MARCHF1: variants seen among roughly 807,000 people sequenced by gnomAD.
MARCHF1 encodes membrane associated ring-CH-type finger 1.
A neutral mutation model predicts 54.2 loss-of-function variants in MARCHF1; 40 were observed. The observed-to-expected ratio is 0.74, with a 90% CI of 0.57 to 0.96. The LOEUF is 0.96. Among genes scored for constraint, MARCHF1 ranks in the 40% least tolerant of loss-of-function variants. The pLI is 0.00. For synonymous variants in MARCHF1, 236 were observed against 236.3 expected (o/e 1.00, Z 0.01); for missense variants, 586 against 656.5 (o/e 0.89, Z 1.17).
intron 1 of MARCHF1, among the ~76,000 whole-genome samples, chr4:164,298,307 G>T (rs6851226): frequency 1.3e-5 from 2 of 151,840 alleles, no homozygotes; most frequent in Non-Finnish European, 2.9e-5. Context: ...ATGCTAAAAA[G>T]AGAATAAATA....
intron 2 of MARCHF1, among the ~76,000 whole-genome samples, chr4:164,026,155 T>C (rs1447228349): frequency 6.6e-6 from 1 of 152,012 alleles, no homozygotes; most frequent in Non-Finnish European, 1.5e-5. Flanking sequence ...CCAGCAGACA[T>C]ACAAAGAAGA....
chr4:164,302,698 C>A (rs965479698), intron 1 of MARCHF1, among the ~76,000 whole-genome samples: 1 of 151,632 alleles, frequency 6.6e-6, no homozygotes, highest in African/African-American at 2.4e-5. Context: ...GCAAACATGG[C>A]AAAACCCCAT....
chr4:164,009,760 A>G (rs1381686462), intron 2 of MARCHF1, among the ~76,000 whole-genome samples: 1 of 152,162 alleles, frequency 6.6e-6, no homozygotes, highest in East Asian at 1.9e-4. Flanking sequence ...TGGTAAAGAA[A>G]AAAAAAGCTC....
intron 4 of MARCHF1, among the ~76,000 whole-genome samples, chr4:163,760,827 T>C (rs1219562992): frequency 1.3e-5 from 2 of 152,212 alleles, no homozygotes; most frequent in African/African-American, 2.4e-5. Flanking sequence ...CATTTCATCT[T>C]ATAAATTTAC....
intron 1 of MARCHF1, among the ~76,000 whole-genome samples, chr4:164,382,744 C>T (rs193241964): frequency 6.6e-6 from 1 of 152,200 alleles, no homozygotes; most frequent in East Asian, 1.9e-4. Flanking sequence ...GTCCGCCAAG[C>T]AAAAAGCCAG....
At chr4:164,238,071 A>G (rs930530476) in intron 1 of MARCHF1, among the ~76,000 whole-genome samples, 8 of 152,020 alleles carry the variant, frequency 5.3e-5, no homozygotes, top group Admixed American at 5.2e-4. Context: ...AAAAGGAAAT[A>G]CTCCATTATA....
intron 2 of MARCHF1, among the ~76,000 whole-genome samples, chr4:164,029,527 A>G (rs1753833426): frequency 6.6e-6 from 1 of 152,144 alleles, no homozygotes; most frequent in Non-Finnish European, 1.5e-5. Context: ...ATCAAGATTT[A>G]GTAAAATGCT....
At chr4:164,262,111 A>G (rs1266821418) in intron 1 of MARCHF1, among the ~76,000 whole-genome samples, 7 of 118,932 alleles carry the variant, frequency 5.9e-5, no homozygotes, top group Non-Finnish European at 1.0e-4. Flanking sequence ...TCTTAAGAAA[A>G]AAAAAAAAAA....
chr4:163,909,807 G>A (rs1161832527), intron 3 of MARCHF1, among the ~76,000 whole-genome samples: 2 of 152,062 alleles, frequency 1.3e-5, no homozygotes, highest in Non-Finnish European at 2.9e-5. Flanking sequence ...ATCAGGCTAT[G>A]GGCATAAATA....
chr4:164,092,100 C>G (rs1179874420), intron 2 of MARCHF1, among the ~76,000 whole-genome samples: 1 of 152,102 alleles, frequency 6.6e-6, no homozygotes, highest in Admixed American at 6.6e-5. Flanking sequence ...ACTGCTGTTG[C>G]TGGATCTCTA....
At chr4:164,156,379 A>G (rs2110925655) in intron 1 of MARCHF1, among the ~76,000 whole-genome samples, 1 of 152,286 alleles carries the variant, frequency 6.6e-6, no homozygotes, top group African/African-American at 2.4e-5. Flanking sequence ...GGAGGAATGG[A>G]GTCCATAGAG....
In MARCHF1 at chr4:164,107,626, G is replaced by A. The variant is rs111364159; in HGVS notation, c.-248+3962C>T. Among the ~76,000 whole-genome samples the A allele has an allele frequency of 3.0e-3, 453 of 152,150 alleles. 6 individuals are homozygous for A. The highest frequency in any genetic ancestry group is 0.01 in the African/African-American group (416 of 41,544). ...AATCCACCCACTTCTGCCCCTCAAA[G>A]TTCTGGGATTATAGGCATGAGCCAC... On this transcript the variant is annotated intron_variant, in intron 2 of 9. Transcript: ENST00000514618.
intron 1 of MARCHF1, among the ~76,000 whole-genome samples, chr4:164,296,265 T>C (rs1217197132): frequency 6.6e-6 from 1 of 152,110 alleles, no homozygotes; most frequent in Non-Finnish European, 1.5e-5. Flanking sequence ...TGAAGATGAG[T>C]CATATTTCTC....
intron 5 of MARCHF1, among the ~76,000 whole-genome samples, chr4:163,688,208 G>GA (rs972457817): frequency 2.7e-5 from 4 of 148,786 alleles, no homozygotes; most frequent in East Asian, 2.0e-4. Flanking sequence ...TAACAAAAAA[G>GA]AAAAAAAAAG....
At chr4:163,841,606 A>C (rs1749341113) in intron 4 of MARCHF1, among the ~76,000 whole-genome samples, 2 of 152,104 alleles carry the variant, frequency 1.3e-5, no homozygotes, top group Non-Finnish European at 2.9e-5. Context: ...AGAGGCAGTA[A>C]TAACATCAGC....
chr4:164,144,267 C>A (rs1729603513), intron 1 of MARCHF1, among the ~76,000 whole-genome samples: 2 of 151,610 alleles, frequency 1.3e-5, no homozygotes, highest in African/African-American at 4.9e-5. Context: ...ATCAATGAGA[C>A]AGAAAGTCAA....
At chr4:164,305,414 T>C (rs996872615) in intron 1 of MARCHF1, among the ~76,000 whole-genome samples, 2 of 152,070 alleles carry the variant, frequency 1.3e-5, no homozygotes, top group East Asian at 1.9e-4. Flanking sequence ...CAGGAGAGAA[T>C]TGAAAGATGA....
chr4:163,809,370 T>C (rs1267908418), intron 4 of MARCHF1, among the ~76,000 whole-genome samples: 2 of 152,324 alleles, frequency 1.3e-5, no homozygotes, highest in South Asian at 2.1e-4. Context: ...CACTCTGCTG[T>C]GACATTTGCA....
At chr4:163,724,074 T>G (rs182758329) in intron 4 of MARCHF1, among the ~76,000 whole-genome samples, 54 of 152,364 alleles carry the variant, frequency 3.5e-4, no homozygotes, top group African/African-American at 1.2e-3. Flanking sequence ...CGAGGAGCTG[T>G]GTTCCTTTGG....
Sources: gnomAD v4.1 joint callset for allele counts (sites outside exome capture counted in the v4.1 genomes callset) on GRCh38, gnomAD v4.1.1 for gene constraint, MANE v1.5 for transcripts, NCBI Gene and HGNC (gene_info 2026-07-23, HGNC 2026-07-21) for gene names.